Variants in UBR1 observed in about 807,000 individuals in gnomAD.
UBR1 encodes the protein E3 ubiquitin-protein ligase UBR1.
A neutral mutation model predicts 242.1 loss-of-function variants in UBR1; 102 were observed. That is an observed-to-expected ratio of 0.42 (90% CI 0.36 to 0.50). UBR1 has a LOEUF of 0.50. UBR1 is among the 20% of genes least tolerant of loss of function. The pLI is 0.01. For synonymous variants in UBR1, 675 were observed against 684.8 expected (o/e 0.99, Z 0.22); for missense variants, 1,772 against 2,101.8 (o/e 0.84, Z 3.07).
rs112452144 is a variant in UBR1, at chr15:43,029,607, C to A, written c.2379+337G>T. The stretch of plus-strand genomic sequence containing the variant: ...ATGGCTCCCCTTGTCATTCCCAGAT[C>A]CCTTACCATTGCCTTTAATAAAAAT... On this transcript the variant is annotated intron_variant, in intron 21 of 46. Coordinates refer to ENST00000290650, the MANE Select transcript of UBR1 (RefSeq NM_174916.3). Among the ~76,000 whole-genome samples the A allele has an allele frequency of 3.3e-5, 5 of 152,314 alleles. 1 individual carries two copies. The highest frequency in any genetic ancestry group is 1.2e-4 in the African/African-American group (5 of 41,564).
intron 29 of UBR1, among the ~76,000 whole-genome samples, chr15:43,008,498 C>T (rs2032867980): frequency 6.6e-6 from 1 of 152,260 alleles, no homozygotes; most frequent in South Asian, 2.1e-4. Context: ...AAACAGGTGG[C>T]TCAGCATGGG....
At chr15:42,955,633 A>G (rs2031906348) in intron 44 of UBR1, among the ~76,000 whole-genome samples, 1 of 152,220 alleles carries the variant, frequency 6.6e-6, no homozygotes. Context: ...CATCAACAGA[A>G]GTTTTGGCTT....
At chr15:42,993,620 G>A (rs1052963678) in intron 33 of UBR1, among the ~76,000 whole-genome samples, 1 of 151,814 alleles carries the variant, frequency 6.6e-6, no homozygotes, top group Non-Finnish European at 1.5e-5. Flanking sequence ...TGCCTGCCTC[G>A]GCCTCCCAAA....
rs1431932236 is a variant in UBR1, at chr15:42,998,275, G to T, written c.3660-10C>A. 5 of 1,610,276 alleles carry T rather than the reference G, an allele frequency of 3.1e-6. No individual in the cohort carries two copies. Among genetic ancestry groups the T allele is most frequent in the Admixed American group, 3.3e-5 (2 of 59,986 alleles). ...AGCATCTGCATTCTCACTGAAAAATGATATTTAAAAATTATTACAACCATG... is the reference window on the plus strand; with the variant it reads ...AGCATCTGCATTCTCACTGAAAAATTATATTTAAAAATTATTACAACCATG... On this transcript the variant is annotated splice_polypyrimidine_tract_variant and intron_variant, in intron 32 of 46. Coordinates refer to ENST00000290650, the MANE Select transcript of UBR1 (RefSeq NM_174916.3).
At chr15:43,053,523 T>G (rs1397461987) in intron 12 of UBR1, among the ~76,000 whole-genome samples, 1 of 152,214 alleles carries the variant, frequency 6.6e-6, no homozygotes, top group African/African-American at 2.4e-5. Flanking sequence ...AATGGCTATA[T>G]ATTGATTCAC....
At chr15:42,990,317 G>C (rs940107421) in intron 33 of UBR1, among the ~76,000 whole-genome samples, 197 bp from the exon 34 acceptor site, 1 of 152,034 alleles carries the variant, frequency 6.6e-6, no homozygotes, top group African/African-American at 2.4e-5. Context: ...GTGACTACAG[G>C]CATGTGCCAC....
chr15:43,046,196 C>T (rs994655465), intron 14 of UBR1, among the ~76,000 whole-genome samples: 4 of 152,114 alleles, frequency 2.6e-5, no homozygotes, highest in African/African-American at 7.2e-5. Context: ...GTGAGGGAAG[C>T]CAAAAAATAC....
intron 45 of UBR1, 41 bp downstream of exon 45, chr15:42,952,237 C>T: frequency 6.2e-7 from 1 of 1,613,854 alleles, no homozygotes; most frequent in Non-Finnish European, 8.5e-7. Flanking sequence ...ATCCAGATTC[C>T]TTAAGTTCAT....
intron 4 of UBR1, among the ~76,000 whole-genome samples, chr15:43,074,062 A>C (rs1021272012): frequency 2.0e-5 from 3 of 152,226 alleles, no homozygotes; most frequent in Non-Finnish European, 4.4e-5. Context: ...GAATTTCTTC[A>C]ATGTAACTGA....
intron 3 of UBR1, among the ~76,000 whole-genome samples, chr15:43,078,324 AG>A (rs1304537018): frequency 6.6e-6 from 1 of 152,196 alleles, no homozygotes; most frequent in Non-Finnish European, 1.5e-5. Flanking sequence ...AAGGGATATA[AG>A]GGAAAATTCT....
At chr15:42,971,056 G>A (rs994476400) in intron 39 of UBR1, among the ~76,000 whole-genome samples, 3 of 152,202 alleles carry the variant, frequency 2.0e-5, no homozygotes, top group Non-Finnish European at 4.4e-5. Flanking sequence ...GAATTTTAAA[G>A]TTGTTAGGTA....
rs2033651449 is a variant in UBR1, at chr15:43,059,077, C to T, written c.1093+8G>A. On this transcript the variant is annotated splice_region_variant and intron_variant, in intron 9 of 46. Transcript: ENST00000290650. ...CCTGACAAACAGCATAAGCAAATGT[C>T]TACTTACCTTTATAAAGCTTTGCAT... 1 of 1,610,170 alleles carries T rather than the reference C, an allele frequency of 6.2e-7. No homozygotes were observed. Among genetic ancestry groups the T allele is most frequent in the African/African-American group, 1.3e-5 (1 of 74,834 alleles).
chr15:42,993,652 G>A (rs538810509), intron 33 of UBR1, among the ~76,000 whole-genome samples: 47 of 152,196 alleles, frequency 3.1e-4, no homozygotes, highest in African/African-American at 1.0e-3. Context: ...ACAAGCGTGA[G>A]CCACTGCACC....
chr15:42,948,756 G>A (rs1390230548), intron 46 of UBR1, among the ~76,000 whole-genome samples: 3 of 152,178 alleles, frequency 2.0e-5, no homozygotes, highest in African/African-American at 4.8e-5. Context: ...TAGTTAGAAT[G>A]GCAATCATTA....
intron 30 of UBR1, among the ~76,000 whole-genome samples, chr15:43,005,507 G>C (rs1410961101): frequency 6.6e-6 from 1 of 152,086 alleles, no homozygotes; most frequent in Non-Finnish European, 1.5e-5. Context: ...CTCCGTCTGG[G>C]AGGTGGGGGG....
chr15:43,059,268 T>C, intron 8 of UBR1, 76 bp from the exon 9 acceptor site: 6 of 1,356,086 alleles, frequency 4.4e-6, no homozygotes, highest in Non-Finnish European at 5.2e-6. Context: ...TCTCACTCTG[T>C]TGCCCAGGTT....
intron 20 of UBR1, among the ~76,000 whole-genome samples, chr15:43,031,334 A>G (rs1416381333): frequency 6.6e-6 from 1 of 152,236 alleles, no homozygotes; most frequent in Admixed American, 6.5e-5. Flanking sequence ...AGTAAAAATA[A>G]AACAGCAAAA....
intron 27 of UBR1, among the ~76,000 whole-genome samples, chr15:43,019,622 G>A (rs1431793627): frequency 5.8e-5 from 8 of 137,190 alleles, no homozygotes; most frequent in Non-Finnish European, 1.1e-4. Context: ...TCACTCTGTC[G>A]CCCAGGCTGG....
At chr15:43,021,210 G>A in intron 27 of UBR1, 65 bp downstream of exon 27, 1 of 1,357,050 alleles carries the variant, frequency 7.4e-7, no homozygotes. Context: ...GTTTAACACT[G>A]GAGGCAAGCA....
Sources: gnomAD v4.1 joint callset for allele counts (sites outside exome capture counted in the v4.1 genomes callset) on GRCh38, gnomAD v4.1.1 for gene constraint, MANE v1.5 for transcripts, NCBI Gene and HGNC (gene_info 2026-07-23, HGNC 2026-07-21) for gene names.